SSTR5: variants seen among roughly 807,000 people sequenced by gnomAD.
The protein encoded by SSTR5 is somatostatin receptor 5.
SSTR5 carries 1 observed loss-of-function variant against 0.3 expected under a neutral mutation model. The ratio of observed to expected loss-of-function variants is 2.98; its 90% confidence interval spans 1.06 to 14.15. The LOEUF (loss-of-function observed/expected upper bound fraction) is 14.15. SSTR5 is among the 30% of genes most tolerant of loss of function. The pLI is 0.12. For synonymous variants in SSTR5, 256 were observed against 263.1 expected (o/e 0.97, Z 0.26); for missense variants, 516 against 543.2 (o/e 0.95, Z 0.50).
At position 1,072,767 on chromosome 16, in the gene SSTR5, G is replaced by A. The variant is rs1235826767; in HGVS notation, c.-83G>A. ...CTCCCAGCCGGCGCCCGGGAGCCCG[G>A]AGCCAGTGCCGCGCGGACATCGGGG... On this transcript the variant is annotated 5_prime_UTR_variant, in exon 1 of 2. Coordinates refer to ENST00000689027, the MANE Select transcript of SSTR5 (RefSeq NM_001172560.3). Among the ~76,000 whole-genome samples, 3 of 126,704 alleles carry A rather than the reference G, an allele frequency of 2.4e-5. No homozygotes were observed. The highest frequency in any genetic ancestry group is 4.8e-5 in the Non-Finnish European group (3 of 63,070). The allele number at this position is 126,704 out of a possible 152,430, so 83.1% of individuals were successfully genotyped here. A position where few individuals can be genotyped will look rare whatever the true frequency, so the allele number is the denominator to read the frequency against.
chr16:1,078,747 C>G lies in SSTR5; in HGVS notation c.-27-95C>G, dbSNP rs961646432. 2.4e-6 allele frequency: 3 copies of G among 1,238,240 alleles called. No individual in the cohort carries two copies. In the African/African-American group the frequency reaches 4.5e-5, roughly 18 times the overall value. The allele number at this position is 1,238,240 out of a possible 1,614,324, so 76.7% of individuals were successfully genotyped here. On this transcript the variant is annotated intron_variant, in intron 1 of 1. Transcript: ENST00000689027. The stretch of plus-strand genomic sequence containing the variant: ...GTGTTTACCCGGTGATCCCGCGCCT[C>G]CTGGCAGGCGGGGCTGGGGCCCAGG...
chr16:1,078,721 C>T (rs1340006597), intron 1 of SSTR5, 121 bp from the exon 2 acceptor site: 7 of 867,824 alleles, frequency 8.1e-6, no homozygotes, highest in East Asian at 2.7e-5. Context: ...CATGACTAAT[C>T]GTGTTTACCC....
rs4988484 is a variant in SSTR5, at chr16:1,079,023, C to T, written c.155C>T (p.Ala52Val). 0.05 allele frequency: 80,907 copies of T among 1,604,336 alleles called. 3,027 individuals carry two copies. The highest frequency in any genetic ancestry group is 0.15 in the African/African-American group (11,019 of 74,754). The change falls in exon 2 of 2, where the codon GCG becomes GTG. Residue 52 changes from alanine to valine, a missense_variant. Ala to Val is a moderately conservative substitution (Grantham distance 64). Transcript: ENST00000689027. ...CCCGTGCTGTACCTGCTGGTGTGTG[C>T]GGCCGGGCTGGGCGGGAACACGCTG... ...LVPVLYLLVC[A>V]AGLGGNTLVI...
rs982737206 is a variant in SSTR5 at position 1,080,215 on chromosome 16, C to G, written c.*252C>G. On this transcript the variant is annotated 3_prime_UTR_variant, in exon 2 of 2. Coordinates refer to ENST00000689027, the MANE Select transcript of SSTR5 (RefSeq NM_001172560.3). ...AGGTGGCCAGACCGGTGGGGGGCTC[C>G]GCCATGCCGTGCAAGTGCTCAGGGC... is the stretch of plus-strand genomic sequence containing the variant. The G allele has an allele frequency of 1.9e-6, 1 of 527,192 alleles. No individual in the cohort carries two copies. Among genetic ancestry groups the G allele is most frequent in the East Asian group, 3.2e-5 (1 of 31,150 alleles). The allele number at this position is 527,192 out of a possible 1,614,324, so 32.7% of individuals were successfully genotyped here.
At chr16:1,078,733 G>GT (rs1340438358) in intron 1 of SSTR5, 109 bp from the exon 2 acceptor site, 1 of 1,002,162 alleles carries the variant, frequency 1.0e-6, no homozygotes, top group African/African-American at 1.6e-5. Flanking sequence ...TGTTTACCCG[G>GT]TGATCCCGCG....
In SSTR5 at chr16:1,081,215, T is replaced by C. The variant is rs1230296495; in HGVS notation, c.*1252T>C. The C allele has an allele frequency of 2.2e-6, 1 of 445,968 alleles. No individual in the cohort carries two copies. 27.6% of individuals were successfully genotyped at this position (445,968 alleles called of 1,614,324 possible). On this transcript the variant is annotated 3_prime_UTR_variant, in exon 2 of 2. Coordinates refer to ENST00000689027, the MANE Select transcript of SSTR5 (RefSeq NM_001172560.3). ...GAGGCTGGAAGGAGAAGGACCAGGGTGCGGCATCACTCGGCCTCAGGGACC... is the reference window on the plus strand; with the variant it reads ...GAGGCTGGAAGGAGAAGGACCAGGGCGCGGCATCACTCGGCCTCAGGGACC...
In SSTR5 at chr16:1,073,897, C is replaced by T. The variant is rs558116135; in HGVS notation, c.-28+1075C>T. 1.6e-3 allele frequency among the ~76,000 whole-genome samples: 243 copies of T among 152,380 alleles called. 1 individual carries two copies. The highest frequency in any genetic ancestry group is 5.6e-3 in the African/African-American group (234 of 41,600). On this transcript the variant is annotated intron_variant, in intron 1 of 1. Coordinates refer to ENST00000689027, the MANE Select transcript of SSTR5 (RefSeq NM_001172560.3). ...ATTTCCAGAGCAAGACCCAGCGAGG[C>T]TGTCAGGAGGTGCCTGGTGTGGAGG...
At position 1,079,418 on chromosome 16, in the gene SSTR5, G is replaced by A. The variant is rs751834151; in HGVS notation, c.550G>A (p.Gly184Ser). 42 of 1,599,716 alleles carry A rather than the reference G, an allele frequency of 2.6e-5. No homozygotes were observed. The highest frequency in any genetic ancestry group is 8.9e-5 in the South Asian group (8 of 89,676). Reference protein sequence around the residue: ...LLVFADVQEGGTCNASWPEPV... With the variant: ...LLVFADVQEGSTCNASWPEPV... ...GGTGTTCGCGGACGTGCAGGAGGGC[G>A]GTACCTGCAACGCCAGCTGGCCGGA... is the stretch of plus-strand genomic sequence containing the variant. Residue 184 changes from glycine to serine, a missense_variant, in exon 2 of 2, where the codon GGT becomes AGT. Gly to Ser is a moderately conservative substitution (Grantham distance 56). Transcript: ENST00000689027.
intron 1 of SSTR5, chr16:1,078,603 C>A: frequency 1.8e-6 from 1 of 559,660 alleles, no homozygotes; most frequent in Non-Finnish European, 3.2e-6. Context: ...GTCGCCATAT[C>A]GACAGCAGCC....
At chr16:1,075,250 G>A (rs573478548) in intron 1 of SSTR5, among the ~76,000 whole-genome samples, 54 of 152,298 alleles carry the variant, frequency 3.5e-4, no homozygotes, top group African/African-American at 1.3e-3. Context: ...GGAGCACTGG[G>A]GGCCGCAGAG....
rs557007989 is a variant in SSTR5 at position 1,081,217 on chromosome 16, C to A, written c.*1254C>A. The A allele has an allele frequency of 2.3e-6, 1 of 439,060 alleles. No homozygotes were observed. Among genetic ancestry groups the A allele is most frequent in the South Asian group, 1.6e-5 (1 of 61,350 alleles). The allele number at this position is 439,060 out of a possible 1,614,324, so 27.2% of individuals were successfully genotyped here. ...GGCTGGAAGGAGAAGGACCAGGGTG[C>A]GGCATCACTCGGCCTCAGGGACCCC... is the stretch of plus-strand genomic sequence containing the variant. On this transcript the variant is annotated 3_prime_UTR_variant, in exon 2 of 2. Transcript: ENST00000689027.
chr16:1,079,157 G>T lies in SSTR5; in HGVS notation c.289G>T (p.Ala97Ser). ...GTACATGCTGGGGCTGCCTTTCCTGGCCACGCAGAACGCCGCGTCCTTCTG... is the reference window on the plus strand; with the variant it reads ...GTACATGCTGGGGCTGCCTTTCCTGTCCACGCAGAACGCCGCGTCCTTCTG... ...VLYMLGLPFL[A>S]TQNAASFWPF... Residue 97 changes from alanine (A) to serine (S), a missense_variant, in exon 2 of 2, where the codon GCC becomes TCC. Coordinates refer to ENST00000689027, the MANE Select transcript of SSTR5 (RefSeq NM_001172560.3). 6.2e-7 allele frequency: 1 copy of T among 1,612,652 alleles called. No individual in the cohort carries two copies. The highest frequency in any genetic ancestry group is 2.2e-5 in the East Asian group (1 of 44,880).
chr16:1,075,092 G>A (rs139580072), intron 1 of SSTR5, among the ~76,000 whole-genome samples: 84 of 152,284 alleles, frequency 5.5e-4, no homozygotes, highest in Non-Finnish European at 1.1e-3. Flanking sequence ...CAGGGCCACC[G>A]GGACAATTCC....
At chr16:1,075,851 TCCCTCTCCCTCCC>T (rs1960181142) in intron 1 of SSTR5, among the ~76,000 whole-genome samples, 1 of 128,822 alleles carries the variant, frequency 7.8e-6, no homozygotes, top group Admixed American at 7.8e-5. Flanking sequence ...CCCCTCCCTC[TCCCTCTCCCTCCC>T]TCCCTCTCTC....
In SSTR5 at chr16:1,079,890, G is replaced by GGCA. The variant is rs746221311; in HGVS notation, c.1030_1032dup (p.Gln344dup). 1.2e-6 allele frequency: 2 copies of GGCA among 1,608,950 alleles called. No individual in the cohort carries two copies. The highest frequency in any genetic ancestry group is 2.7e-5 in the African/African-American group (2 of 74,878). ...ACGGAGCCGCGTCCAGACAGGATCC[G>GGCA]GCAGCAGCAGGAGGCCACGCCACCC... On this transcript the variant is annotated inframe_insertion, in exon 2 of 2. Transcript: ENST00000689027.
At position 1,079,392 on chromosome 16, in the gene SSTR5, T is replaced by C. The variant is rs1382020277; in HGVS notation, c.524T>C (p.Leu175Pro). Residue 175 changes from leucine to proline, a missense_variant, in exon 2 of 2, where the codon CTG (leucine) becomes CCG (proline). Coordinates refer to ENST00000689027, the MANE Select transcript of SSTR5 (RefSeq NM_001172560.3). ...TCTCTGTGCATGTCGCTGCCGCTCCTGGTGTTCGCGGACGTGCAGGAGGGC... is the reference window on the plus strand; with the variant it reads ...TCTCTGTGCATGTCGCTGCCGCTCCCGGTGTTCGCGGACGTGCAGGAGGGC... ...VLSLCMSLPLLVFADVQEGGT... is the reference protein window; with the variant it reads ...VLSLCMSLPLPVFADVQEGGT... 1 of 1,595,748 alleles carries C rather than the reference T, an allele frequency of 6.3e-7. No individual in the cohort carries two copies. The highest frequency in any genetic ancestry group is 1.1e-5 in the South Asian group (1 of 89,538).
At position 1,079,481 on chromosome 16, in the gene SSTR5, AC is replaced by A. The variant is rs1229069975; in HGVS notation, c.614del (p.Thr205ArgfsTer22). On this transcript the variant is annotated frameshift_variant, in exon 2 of 2. Transcript: ENST00000689027. LOFTEE classifies it low-confidence loss of function (END_TRUNC). Reference protein sequence around the residue: ...GLWGAVFIIYTAVLGFFAPLL... With the variant: ...GLWGAVFIIYXAVLGFFAPLL... The stretch of plus-strand genomic sequence containing the variant: ...GTGGGGCGCCGTCTTCATCATCTAC[AC>A]GGCCGTGCTGGGCTTCTTCGCGCCG... The A allele has an allele frequency of 6.2e-7, 1 of 1,609,916 alleles. No individual in the cohort carries two copies. The highest frequency in any genetic ancestry group is 1.3e-5 in the African/African-American group (1 of 74,518).
rs748304779 is a variant in SSTR5, at chr16:1,079,587, G to A, written c.719G>A (p.Arg240Gln). The change falls in exon 2 of 2, where the codon CGG becomes CAG. Residue 240 changes from arginine to glutamine, a missense_variant. Coordinates refer to ENST00000689027, the MANE Select transcript of SSTR5 (RefSeq NM_001172560.3). ...AAGVRVGCVR[R>Q]RSERKVTRMV... The stretch of plus-strand genomic sequence containing the variant: ...GGCGTGCGCGTGGGCTGCGTGCGGC[G>A]GCGCTCGGAGCGGAAGGTGACGCGC... 1.9e-5 allele frequency: 30 copies of A among 1,611,198 alleles called. No homozygotes were observed. The highest frequency in any genetic ancestry group is 1.7e-4 in the Middle Eastern group (1 of 6,058).
rs1318236399 is a variant in SSTR5 at position 1,079,048 on chromosome 16, G to A, written c.180G>A (p.Leu60=). 6.2e-7 allele frequency: 1 copy of A among 1,611,902 alleles called. No individual in the cohort carries two copies. ...CGGCCGGGCTGGGCGGGAACACGCT[G>A]GTCATCTACGTGGTGCTGCGCTTCG... ...VCAAGLGGNT[L]VIYVVLRFAK... Residue 60 remains leucine (L), a synonymous_variant, in exon 2 of 2, where the codon CTG becomes CTA. Coordinates refer to ENST00000689027, the MANE Select transcript of SSTR5 (RefSeq NM_001172560.3).
Sources: allele counts gnomAD v4.1 joint callset (sites outside exome capture counted in the v4.1 genomes callset), GRCh38; gene constraint gnomAD v4.1.1; transcripts MANE v1.5; gene names NCBI Gene and HGNC (gene_info 2026-07-23, HGNC 2026-07-21).